Variants in MBNL1 observed in about 807,000 individuals in gnomAD.
The protein encoded by MBNL1 is muscleblind like splicing regulator 1.
MBNL1 carries 8 observed loss-of-function variants against 42.2 expected under a neutral mutation model. The observed-to-expected ratio is 0.19, with a 90% CI of 0.11 to 0.34. MBNL1 has a LOEUF of 0.34. Among genes scored for constraint, MBNL1 ranks in the 10% least tolerant of loss-of-function variants. The pLI is 1.00. For synonymous variants in MBNL1, 169 were observed against 173.9 expected, an observed-to-expected ratio of 0.97 and a Z score of 0.22; for missense variants, 309 against 495.3, an observed-to-expected ratio of 0.62 and a Z score of 3.57.
At chr3:152,332,681 T>G (rs1414815193) in intron 2 of MBNL1, among the ~76,000 whole-genome samples, 1 of 149,906 alleles carries the variant, frequency 6.7e-6, no homozygotes, top group East Asian at 2.0e-4. Flanking sequence ...CTCTTTGAAG[T>G]TTTCATGGTT....
chr3:152,418,866 G>A (rs571021660), intron 3 of MBNL1, among the ~76,000 whole-genome samples: 3 of 151,890 alleles, frequency 2.0e-5, no homozygotes, highest in East Asian at 1.9e-4. Flanking sequence ...ACAGGCGCCC[G>A]CCCCCGTGCC....
At chr3:152,353,722 A>C (rs1407262856) in intron 2 of MBNL1, among the ~76,000 whole-genome samples, 1 of 142,908 alleles carries the variant, frequency 7.0e-6, no homozygotes, top group Non-Finnish European at 1.5e-5. Flanking sequence ...TGTGGTAGAC[A>C]TTTTAAAACA....
At chr3:152,359,340 A>C (rs1328319404) in intron 2 of MBNL1, among the ~76,000 whole-genome samples, 1 of 152,204 alleles carries the variant, frequency 6.6e-6, no homozygotes, top group Non-Finnish European at 1.5e-5. Context: ...ATATTATTCA[A>C]GTCTAAAATT....
In MBNL1 at chr3:152,262,552, T is replaced by C. The variant is rs527770961; in HGVS notation, n.333+18112T>C. 1.3e-4 allele frequency: 20 copies of C among 152,350 alleles called. No individual in the cohort carries two copies. In the South Asian group the frequency reaches 3.5e-3, roughly 27 times the overall value. 9.4% of individuals were successfully genotyped at this position (152,350 alleles called of 1,614,324 possible). On this transcript the variant is annotated intron_variant and non_coding_transcript_variant, in intron 2 of 2. Transcript: ENST00000477171. The stretch of plus-strand genomic sequence containing the variant: ...TAGATACAGCCAACATTTAGGAACA[T>C]TGACACTGCTATTGGCATTGTCAAA...
intron 2 of MBNL1, among the ~76,000 whole-genome samples, chr3:152,337,682 T>G (rs1417688047): frequency 6.6e-6 from 1 of 151,626 alleles, no homozygotes; most frequent in African/African-American, 2.4e-5. Context: ...ATATTTTCTG[T>G]CCTTCCTCTT....
chr3:152,329,991 TATAAC>T (rs748882038), intron 2 of MBNL1, among the ~76,000 whole-genome samples: 1 of 152,094 alleles, frequency 6.6e-6, no homozygotes, highest in East Asian at 1.9e-4. Context: ...TAGCAATCCT[TATAAC>T]AGAAAACAAG....
intron 2 of MBNL1, among the ~76,000 whole-genome samples, chr3:152,246,418 G>A (rs575413410): frequency 3.3e-5 from 5 of 151,824 alleles, no homozygotes; most frequent in African/African-American, 1.2e-4. Flanking sequence ...TCTAGATTAT[G>A]GAAAATAAGT....
At chr3:152,337,429 G>A (rs1314725628) in intron 2 of MBNL1, among the ~76,000 whole-genome samples, 1 of 152,028 alleles carries the variant, frequency 6.6e-6, no homozygotes, top group Non-Finnish European at 1.5e-5. Context: ...AGAACAGCCT[G>A]GCCAGCATGG....
intron 2 of MBNL1, among the ~76,000 whole-genome samples, chr3:152,372,271 A>G (rs967961470): frequency 5.9e-5 from 9 of 151,652 alleles, no homozygotes; most frequent in Admixed American, 2.6e-4. Flanking sequence ...CGGAGGAGTT[A>G]CCCACCTTCC....
intron 1 of MBNL1, among the ~76,000 whole-genome samples, chr3:152,277,182 T>C (rs1176290145): frequency 6.6e-6 from 1 of 152,192 alleles, no homozygotes; most frequent in Non-Finnish European, 1.5e-5. Context: ...AAACATTTCA[T>C]TTCTGTGCTA....
intron 8 of MBNL1, among the ~76,000 whole-genome samples, chr3:152,457,495 T>A (rs962257568): frequency 6.6e-6 from 1 of 152,364 alleles, no homozygotes; most frequent in Admixed American, 6.5e-5. Flanking sequence ...AACATTCAGC[T>A]ATTAGTACAG....
Position 152,288,369 on chromosome 3 carries a change from C to T in MBNL1, c.-789-11036C>T, listed in dbSNP as rs150669626. Among the ~76,000 whole-genome samples the T allele has an allele frequency of 7.2e-4, 110 of 152,242 alleles. No homozygotes were observed. The South Asian group carries it at 0.019, about 26-fold the overall frequency. ...CCCACTCCTGACTCAGGAATGACTG[C>T]GAGTGGAACCCCCGCCTCAGGGAAA... On this transcript the variant is annotated intron_variant, in intron 1 of 9. Coordinates refer to ENST00000324210, the MANE Select transcript of MBNL1 (RefSeq NM_021038.5).
intron 4 of MBNL1, among the ~76,000 whole-genome samples, chr3:152,433,642 C>T (rs561986902): frequency 3.4e-5 from 5 of 149,082 alleles, no homozygotes; most frequent in Admixed American, 1.4e-4. Context: ...CCCAGCTACT[C>T]GGGAGGCTGA....
chr3:152,431,040 G>GT (rs1014717312), intron 3 of MBNL1, among the ~76,000 whole-genome samples: 11 of 152,076 alleles, frequency 7.2e-5, no homozygotes, highest in African/African-American at 2.7e-4. Flanking sequence ...TCATATTTTT[G>GT]TTAGTAAAAA....
At chr3:152,284,480 C>G (rs1180271700) in intron 1 of MBNL1, among the ~76,000 whole-genome samples, 1 of 151,972 alleles carries the variant, frequency 6.6e-6, no homozygotes, top group Non-Finnish European at 1.5e-5. Context: ...ATTTCAAACC[C>G]TCAGTGCTTT....
At chr3:152,253,800 C>T (rs927740399) in intron 2 of MBNL1, among the ~76,000 whole-genome samples, 13 of 152,122 alleles carry the variant, frequency 8.5e-5, no homozygotes, top group African/African-American at 1.2e-4. Context: ...AACATATCTC[C>T]TAATAGATGC....
intron 2 of MBNL1, among the ~76,000 whole-genome samples, chr3:152,375,838 A>G (rs947313826): frequency 1.3e-5 from 2 of 151,830 alleles, no homozygotes; most frequent in African/African-American, 2.4e-5. Context: ...AAAAAGACTG[A>G]GTACTTAAAT....
chr3:152,452,711 A>AT (rs143088899), intron 6 of MBNL1, among the ~76,000 whole-genome samples: 1 of 152,038 alleles, frequency 6.6e-6, no homozygotes, highest in Non-Finnish European at 1.5e-5. Flanking sequence ...ATCTTGAGGA[A>AT]TTTTTTTCTC....
intron 2 of MBNL1, among the ~76,000 whole-genome samples, chr3:152,301,458 ATCTTT>A (rs945021112): frequency 5.3e-5 from 8 of 152,280 alleles, no homozygotes; most frequent in South Asian, 2.1e-4. Context: ...TGCTATAATA[ATCTTT>A]TCTTTAATAA....
Sources: gnomAD v4.1 joint callset for allele counts (sites outside exome capture counted in the v4.1 genomes callset) on GRCh38, gnomAD v4.1.1 for gene constraint, MANE v1.5 for transcripts, NCBI Gene and HGNC (gene_info 2026-07-23, HGNC 2026-07-21) for gene names.